Variants in SLC4A10 observed in about 807,000 individuals in gnomAD.
The protein encoded by SLC4A10 is solute carrier family 4 member 10.
A neutral mutation model predicts 137.7 loss-of-function variants in SLC4A10; 42 were observed. That is an observed-to-expected ratio of 0.30 (90% CI 0.24 to 0.39). The LOEUF (loss-of-function observed/expected upper bound fraction) is 0.39. Ranked by LOEUF, SLC4A10 falls within the 10% of genes least tolerant of loss-of-function variation. SLC4A10 has a pLI of 1.00. For synonymous variants in SLC4A10, 474 were observed against 464.1 expected (o/e 1.02, Z -0.27); for missense variants, 925 against 1,355.0 (o/e 0.68, Z 4.98).
intron 2 of SLC4A10, among the ~76,000 whole-genome samples, chr2:161,803,894 T>C (rs573483526): frequency 2.0e-5 from 3 of 152,312 alleles, no homozygotes; most frequent in Non-Finnish European, 2.9e-5. Context: ...AATTGAACAA[T>C]TATAACAATA....
intron 20 of SLC4A10, 117 bp from the exon 21 acceptor site, chr2:161,958,370 G>GAA: frequency 4.0e-6 from 3 of 752,590 alleles, no homozygotes; most frequent in Non-Finnish European, 4.5e-6. Flanking sequence ...TTCTGAATCT[G>GAA]TACTATACTG....
At position 161,939,000 on chromosome 2, in the gene SLC4A10, AT is replaced by A. The variant is rs1402971201; in HGVS notation, c.1998-3785del. 3.9e-5 allele frequency among the ~76,000 whole-genome samples: 6 copies of A among 152,076 alleles called. No individual in the cohort carries two copies. The East Asian group carries it at 5.8e-4, about 15-fold the overall frequency. ...CTAAATTTCTAAATAATATGCTTAT[AT>A]TTTTTTCTTGTTTTACCCATGTTAA... On this transcript the variant is annotated intron_variant, in intron 15 of 26. Coordinates refer to ENST00000446997, the MANE Select transcript of SLC4A10 (RefSeq NM_001178015.2).
chr2:161,720,853 CAG>C (rs1323417135), intron 1 of SLC4A10, among the ~76,000 whole-genome samples: 2 of 147,984 alleles, frequency 1.4e-5, no homozygotes, highest in Admixed American at 1.4e-4. Flanking sequence ...TTTCTTGATG[CAG>C]AGTCTTGCTC....
rs562350965 is a variant in SLC4A10 at position 161,976,981 on chromosome 2, A to C, written c.3344+105A>C. 4 of 610,886 alleles carry C rather than the reference A, an allele frequency of 6.5e-6. No individual in the cohort carries two copies. The East Asian group carries it at 1.2e-4, about 19-fold the overall frequency. The allele number at this position is 610,886 out of a possible 1,614,324, so 37.8% of individuals were successfully genotyped here. On this transcript the variant is annotated intron_variant, in intron 25 of 26. Coordinates refer to ENST00000446997, the MANE Select transcript of SLC4A10 (RefSeq NM_001178015.2). ...AGTTTCCATCAAATTTAGATATAAA[A>C]TATTCCAGAAAATTCTTTCCAAAAG...
intron 1 of SLC4A10, among the ~76,000 whole-genome samples, chr2:161,672,735 A>T (rs1417151125): frequency 6.6e-6 from 1 of 152,172 alleles, no homozygotes; most frequent in Non-Finnish European, 1.5e-5. Flanking sequence ...TTAAATAATT[A>T]ATCTAATTCT....
At chr2:161,655,009 C>T (rs2389428) in intron 1 of SLC4A10, among the ~76,000 whole-genome samples, 132,529 of 152,106 alleles carry the variant, frequency 0.87, 58,354 homozygotes, top group East Asian at 1. Context: ...TTCATGAACA[C>T]AGGATATCTT....
At chr2:161,730,642 T>C (rs977082959) in intron 1 of SLC4A10, among the ~76,000 whole-genome samples, 1 of 152,194 alleles carries the variant, frequency 6.6e-6, no homozygotes, top group Non-Finnish European at 1.5e-5. Flanking sequence ...AAAGGTTAGT[T>C]AGGTGTGTCG....
intron 2 of SLC4A10, among the ~76,000 whole-genome samples, chr2:161,777,824 A>G (rs2052545675): frequency 6.6e-6 from 1 of 152,028 alleles, no homozygotes; most frequent in African/African-American, 2.4e-5. Flanking sequence ...GAGCCAAACC[A>G]TATCAGTTTC....
chr2:161,767,139 A>ATG (rs1245094195), intron 1 of SLC4A10, among the ~76,000 whole-genome samples: 2,200 of 56,534 alleles, frequency 0.039, 130 homozygotes, highest in East Asian at 0.068. Flanking sequence ...ATATATATAT[A>ATG]TGTGTGTGTG....
intron 1 of SLC4A10, among the ~76,000 whole-genome samples, chr2:161,660,584 C>CTTTCTTTCT (rs1553479819): frequency 1.1e-4 from 14 of 130,960 alleles, no homozygotes; most frequent in Non-Finnish European, 1.9e-4. Flanking sequence ...TTCTTTCTTT[C>CTTTCTTTCT]TTTCTTTCTT....
chr2:161,847,121 T>C (rs983811088), intron 4 of SLC4A10, among the ~76,000 whole-genome samples: 4 of 150,676 alleles, frequency 2.7e-5, no homozygotes, highest in African/African-American at 9.8e-5. Context: ...CCTGGCTATG[T>C]AGTCCCAGCT....
intron 3 of SLC4A10, among the ~76,000 whole-genome samples, chr2:161,808,878 A>G (rs137921181): frequency 2.0e-5 from 3 of 152,252 alleles, no homozygotes; most frequent in Non-Finnish European, 2.9e-5. Context: ...TGAACATACC[A>G]GTGCATGCAT....
chr2:161,770,061 T>C (rs1396290108), intron 1 of SLC4A10, among the ~76,000 whole-genome samples: 1 of 151,996 alleles, frequency 6.6e-6, no homozygotes, highest in Non-Finnish European at 1.5e-5. Context: ...AGTCATATAC[T>C]GGAATAGACA....
At chr2:161,901,218 A>G (rs912795413) in intron 12 of SLC4A10, 2 of 472,690 alleles carry the variant, frequency 4.2e-6, no homozygotes, top group African/African-American at 4.0e-5. Flanking sequence ...CCCTTCCATT[A>G]TACTTTACCT....
intron 8 of SLC4A10, 110 bp downstream of exon 8, chr2:161,874,115 C>G (rs1035531536): frequency 1.5e-5 from 17 of 1,111,724 alleles, no homozygotes; most frequent in Non-Finnish European, 2.2e-5. Flanking sequence ...ATCTGCCACT[C>G]TAAGAACTAT....
At chr2:161,836,162 C>A (rs1222220020) in intron 3 of SLC4A10, among the ~76,000 whole-genome samples, 1 of 148,766 alleles carries the variant, frequency 6.7e-6, no homozygotes, top group Non-Finnish European at 1.5e-5. Flanking sequence ...ATATCAGAAG[C>A]GAAGAGAAAG....
At chr2:161,803,523 T>G (rs2125595250) in intron 2 of SLC4A10, among the ~76,000 whole-genome samples, 1 of 152,306 alleles carries the variant, frequency 6.6e-6, no homozygotes, top group South Asian at 2.1e-4. Flanking sequence ...TGTTCATCCC[T>G]ATACCTTCTC....
intron 1 of SLC4A10, among the ~76,000 whole-genome samples, chr2:161,640,602 TTC>T (rs1424689180): frequency 5.7e-5 from 5 of 87,614 alleles, no homozygotes; most frequent in African/African-American, 2.4e-4. Flanking sequence ...CTTTCCTTCC[TTC>T]CTTCCTTCCT....
At chr2:161,945,836 G>A (rs916276301) in intron 16 of SLC4A10, among the ~76,000 whole-genome samples, 1 of 151,854 alleles carries the variant, frequency 6.6e-6, no homozygotes, top group Admixed American at 6.6e-5. Flanking sequence ...CCCTTTAAAT[G>A]TCATCTATGT....
Sources: gnomAD v4.1 joint callset for allele counts (sites outside exome capture counted in the v4.1 genomes callset) on GRCh38, gnomAD v4.1.1 for gene constraint, MANE v1.5 for transcripts, NCBI Gene and HGNC (gene_info 2026-07-23, HGNC 2026-07-21) for gene names.